COL22A1: variants seen among roughly 807,000 people sequenced by gnomAD.
COL22A1 encodes collagen alpha-1(XXII) chain.
In COL22A1, 221 loss-of-function variants were observed where a neutral mutation model predicts 248.9. That is an observed-to-expected ratio of 0.89 (90% CI 0.80 to 0.99). COL22A1 has a LOEUF of 0.99. Ranked by LOEUF, COL22A1 falls within the 50% of genes least tolerant of loss-of-function variation. The pLI is 0.00. For synonymous variants in COL22A1, 891 were observed against 793.4 expected (o/e 1.12, Z -2.07); for missense variants, 2,240 against 2,179.0 (o/e 1.03, Z -0.56).
At chr8:138,598,337 G>T (rs1817715045) in intron 61 of COL22A1, among the ~76,000 whole-genome samples, 1 of 152,168 alleles carries the variant, frequency 6.6e-6, no homozygotes, top group Non-Finnish European at 1.5e-5. Context: ...GTGAAGTTCA[G>T]ACCCCTGGGA....
intron 37 of COL22A1, among the ~76,000 whole-genome samples, chr8:138,687,364 G>T (rs573357688): frequency 6.6e-6 from 1 of 152,218 alleles, no homozygotes. Flanking sequence ...TCTGGGAGAC[G>T]TGTATCTTAA....
At position 138,623,292 on chromosome 8, in the gene COL22A1, GTGTGTAATCCCACAATGTCTGGA is replaced by G. The variant is rs1819975157; in HGVS notation, c.3771+417_3771+439del. On this transcript the variant is annotated intron_variant, in intron 52 of 64. Coordinates refer to ENST00000303045, the MANE Select transcript of COL22A1 (RefSeq NM_152888.3). Reference sequence around the variant, plus strand: ...TGTGTGTGTGTGTGTGTGTGTGTGTGTGTGTAATCCCACAATGTCTGGAGCTAGCAGGTGCCACTCAGATTTTA... The same window carrying G: ...TGTGTGTGTGTGTGTGTGTGTGTGTGGCTAGCAGGTGCCACTCAGATTTTA... 7.1e-5 allele frequency among the ~76,000 whole-genome samples: 10 copies of G among 140,370 alleles called. No homozygotes were observed. In the South Asian group the frequency reaches 2.3e-3, roughly 33 times the overall value. The allele number at this position is 140,370 out of a possible 152,430, so 92.1% of individuals were successfully genotyped here.
intron 64 of COL22A1, among the ~76,000 whole-genome samples, chr8:138,589,753 G>A (rs139945557): frequency 7.2e-4 from 109 of 152,312 alleles, no homozygotes; most frequent in Middle Eastern, 6.8e-3. Flanking sequence ...TGAAGAGTCA[G>A]ATGAGAGACC....
chr8:138,727,327 G>A lies in COL22A1; in HGVS notation c.2140-1887C>T, dbSNP rs1001034106. ...TTCTGAGATGGTCTCCAATTCCCCA[G>A]TGGAATTAAACTCTCCCTGCTCCGT... On this transcript the variant is annotated intron_variant, in intron 23 of 64. Transcript: ENST00000303045. Among the ~76,000 whole-genome samples the A allele has an allele frequency of 1.1e-4, 16 of 152,050 alleles. 1 individual carries two copies. The East Asian group carries it at 2.9e-3, about 28-fold the overall frequency.
intron 30 of COL22A1, among the ~76,000 whole-genome samples, chr8:138,704,981 C>T (rs894447656): frequency 3.3e-5 from 5 of 152,086 alleles, no homozygotes; most frequent in Admixed American, 6.5e-5. Context: ...CTACGTGATG[C>T]ATGCCCAAGC....
At chr8:138,716,801 G>T (rs1461245345) in intron 28 of COL22A1, 24 bp downstream of exon 28, 2 of 1,565,766 alleles carry the variant, frequency 1.3e-6, no homozygotes, top group Admixed American at 3.3e-5. Flanking sequence ...TAAAATGAAT[G>T]AATAAAAGCA....
At chr8:138,802,157 A>AT (rs1378766130) in intron 11 of COL22A1, among the ~76,000 whole-genome samples, 2 of 152,172 alleles carry the variant, frequency 1.3e-5, no homozygotes, top group Non-Finnish European at 1.5e-5. Context: ...AAAACTAAGG[A>AT]TAGAAAGGTT....
At chr8:138,689,120 A>C in intron 36 of COL22A1, 150 bp from the exon 37 acceptor site, 2 of 612,596 alleles carry the variant, frequency 3.3e-6, no homozygotes, top group Admixed American at 2.5e-5. Flanking sequence ...AAATTCCCCA[A>C]AGCTCCACCT....
rs1021410234 is a variant in COL22A1, at chr8:138,703,338, C to A, written c.2527G>T (p.Gly843Cys). 30 of 1,613,510 alleles carry A rather than the reference C, an allele frequency of 1.9e-5. No individual in the cohort carries two copies. The highest frequency in any genetic ancestry group is 2.5e-5 in the Non-Finnish European group (30 of 1,179,648). The change falls in exon 31 of 65, where the codon GGT becomes TGT. Residue 843 changes from glycine (G) to cysteine (C), a missense_variant. Coordinates refer to ENST00000303045, the MANE Select transcript of COL22A1 (RefSeq NM_152888.3). Reference protein sequence around the residue: ...KGDRGEKGEAGPAGPPGLPGT... With the variant: ...KGDRGEKGEACPAGPPGLPGT... ...GGTAACCCGGGAGGGCCTGCAGGACCAGCTTCACCCTAGATGGAGAAATGG... is the reference window on the plus strand; with the variant it reads ...GGTAACCCGGGAGGGCCTGCAGGACAAGCTTCACCCTAGATGGAGAAATGG...
Position 138,778,340 on chromosome 8 carries a change from T to C in COL22A1, c.1758+13A>G. ...GGGGTAGAACCCCTGCCCAGACAAG[T>C]GCCTTCACTTACAGGAGCTCCGACA... On this transcript the variant is annotated intron_variant, in intron 15 of 64. Coordinates refer to ENST00000303045, the MANE Select transcript of COL22A1 (RefSeq NM_152888.3). 6.2e-7 allele frequency: 1 copy of C among 1,614,060 alleles called. No individual in the cohort carries two copies. The highest frequency in any genetic ancestry group is 8.5e-7 in the Non-Finnish European group (1 of 1,179,978).
intron 9 of COL22A1, among the ~76,000 whole-genome samples, chr8:138,809,222 A>G (rs1163233082): frequency 6.6e-5 from 10 of 152,202 alleles, no homozygotes; most frequent in Admixed American, 6.5e-4. Context: ...GTTCTCTAGC[A>G]GGCCTGCTGT....
rs760002948 is a variant in COL22A1, at chr8:138,630,762, G to C, written c.3610-14C>G. On this transcript the variant is annotated splice_polypyrimidine_tract_variant and intron_variant, in intron 49 of 64. Transcript: ENST00000303045. ...TCCATCTGCCCCCTAAAAAAGACAA[G>C]GCAGAAAGCTAGTTTCTTGTGCATC... The C allele has an allele frequency of 6.2e-7, 1 of 1,613,144 alleles. No homozygotes were observed. The highest frequency in any genetic ancestry group is 1.3e-5 in the African/African-American group (1 of 74,892).
intron 16 of COL22A1, among the ~76,000 whole-genome samples, chr8:138,768,427 A>G (rs1042660357): frequency 1.3e-5 from 2 of 152,340 alleles, no homozygotes; most frequent in South Asian, 4.1e-4. Context: ...ATCCGGAGGC[A>G]GCAGAAGGCA....
Position 138,878,083 on chromosome 8 carries a change from C to T in COL22A1, c.325G>A (p.Ala109Thr). The change falls in exon 3 of 65, where the codon GCC becomes ACC. Residue 109 changes from alanine to threonine, a missense_variant. By Grantham distance (58) the Ala-to-Thr change is moderately conservative. Transcript: ENST00000303045. ...GTGTTGGTGTTGCCCCCGTGGTAGG[C>T]GAGACGCCGGGCAGCCGCCTTGACC... ...EEVKAAARRL[A>T]YHGGNTNTGD... The T allele has an allele frequency of 1.3e-6, 2 of 1,597,898 alleles. No individual in the cohort carries two copies. Among genetic ancestry groups the T allele is most frequent in the Non-Finnish European group, 1.7e-6 (2 of 1,173,092 alleles).
intron 3 of COL22A1, among the ~76,000 whole-genome samples, chr8:138,846,465 C>T (rs1217009740): frequency 3.3e-5 from 5 of 152,228 alleles, no homozygotes; most frequent in African/African-American, 9.6e-5. Context: ...GCTCAAATTG[C>T]TTTAAGAAAT....
chr8:138,778,979 C>T (rs1419670138), intron 14 of COL22A1, among the ~76,000 whole-genome samples: 2 of 152,216 alleles, frequency 1.3e-5, no homozygotes, highest in African/African-American at 4.8e-5. Flanking sequence ...AACATGTATT[C>T]ATTCAGCCAA....
At chr8:138,857,683 C>A (rs1336491473) in intron 3 of COL22A1, among the ~76,000 whole-genome samples, 1 of 152,204 alleles carries the variant, frequency 6.6e-6, no homozygotes, top group Non-Finnish European at 1.5e-5. Flanking sequence ...CTGGGAACAG[C>A]GGTTCCCTCT....
chr8:138,821,017 C>G, intron 7 of COL22A1, 119 bp downstream of exon 7: 1 of 1,139,448 alleles, frequency 8.8e-7, no homozygotes. Flanking sequence ...TAAGACGGTC[C>G]AAGGTGATGA....
chr8:138,778,131 G>T, intron 15 of COL22A1: 1 of 610,972 alleles, frequency 1.6e-6, no homozygotes, highest in South Asian at 1.9e-5. Flanking sequence ...TGTGAGAAAG[G>T]GGTCCCAGGA....
Sources: allele counts gnomAD v4.1 joint callset (sites outside exome capture counted in the v4.1 genomes callset), GRCh38; gene constraint gnomAD v4.1.1; transcripts MANE v1.5; gene names NCBI Gene and HGNC (gene_info 2026-07-23, HGNC 2026-07-21).